CENPB: variants seen among roughly 807,000 people sequenced by gnomAD.
CENPB encodes major centromere autoantigen B.
A neutral mutation model predicts 41.9 loss-of-function variants in CENPB; 19 were observed. The observed-to-expected ratio is 0.45, with a 90% CI of 0.32 to 0.67. The LOEUF (loss-of-function observed/expected upper bound fraction) is 0.67. Ranked by LOEUF, CENPB falls within the 30% of genes least tolerant of loss-of-function variation. The pLI is 0.04. For missense variants in CENPB, 614 were observed against 816.2 expected, an observed-to-expected ratio of 0.75 and a Z score of 3.02; for synonymous variants, 399 against 354.4, an observed-to-expected ratio of 1.13 and a Z score of -1.41.
In CENPB at chr20:3,785,874, G is replaced by A. The variant is rs2088818684; in HGVS notation, c.610C>T (p.Leu204=). The change falls in exon 1 of 1, where the codon CTG becomes TTG. Residue 204 remains leucine, a synonymous_variant. Coordinates refer to ENST00000379751, the MANE Select transcript of CENPB (RefSeq NM_001810.6). ...ATETSLWYDF[L]PDQAAGLCGG... Reference sequence around the variant, plus strand: ...CACAGCCCCGCGGCCTGGTCGGGCAGGAAGTCGTACCATAGACTGGTCTCG... The same window carrying A: ...CACAGCCCCGCGGCCTGGTCGGGCAAGAAGTCGTACCATAGACTGGTCTCG... The A allele has an allele frequency of 1.2e-6, 2 of 1,608,652 alleles. No individual in the cohort carries two copies. The highest frequency in any genetic ancestry group is 2.7e-5 in the African/African-American group (2 of 74,778).
At position 3,785,248 on chromosome 20, in the gene CENPB, C is replaced by T. The variant is rs2088810680; in HGVS notation, c.1236G>A (p.Glu412=). 6 of 1,524,450 alleles carry T rather than the reference C, an allele frequency of 3.9e-6. No individual in the cohort carries two copies. The highest frequency in any genetic ancestry group is 1.4e-5 in the African/African-American group (1 of 69,610). The allele number at this position is 1,524,450 out of a possible 1,614,324, so 94.4% of individuals were successfully genotyped here. Residue 412 remains glutamate (E), a synonymous_variant, in exon 1 of 1, where the codon GAG becomes GAA. Transcript: ENST00000379751. ...CACCCTCTTCCTCCTCCTCTTCTTCCTCCTCCTCCTCCTCTTCCTCTCCCT... is the reference window on the plus strand; with the variant it reads ...CACCCTCTTCCTCCTCCTCTTCTTCTTCCTCCTCCTCCTCTTCCTCTCCCT... ...KSEGEEEEEE[E]EEEEEEEGEG... is the part of the protein sequence containing the mutation.
Position 3,784,738 on chromosome 20 carries a change from G to C in CENPB, c.1746C>G (p.Thr582=). The C allele has an allele frequency of 1.2e-6, 2 of 1,614,074 alleles. No individual in the cohort carries two copies. Among genetic ancestry groups the C allele is most frequent in the South Asian group, 1.1e-5 (1 of 91,076 alleles). ...LHLEHDLVHV[T]RKNHARQAGV... ...CCGCCTGCCTGGCGTGGTTCTTCCT[G>C]GTCACATGAACCAGATCGTGTTCCA... is the stretch of plus-strand genomic sequence containing the variant. The change falls in exon 1 of 1, where the codon ACC becomes ACG. Residue 582 remains threonine, a synonymous_variant. Transcript: ENST00000379751. The surrounding 1 kb of genome is among the most constrained non-coding windows in gnomAD (Gnocchi z 5.2).
rs905224989 is a variant in CENPB at position 3,786,411 on chromosome 20, C to T, written c.73G>A (p.Asp25Asn). The change falls in exon 1 of 1, where the codon GAC becomes AAC. Residue 25 changes from aspartate to asparagine, a missense_variant. Around this residue, in one of 2 missense-constraint regions of CENPB, gnomAD observed 77 missense variants for 186.8 expected, o/e 0.41. Coordinates refer to ENST00000379751, the MANE Select transcript of CENPB (RefSeq NM_001810.6). ...RIIQEVEENP[D>N]LRKGEIARRF... ...CGCGCGATCTCGCCCTTGCGCAGGT[C>T]CGGATTCTCCTCCACCTCCTGGATG... The T allele has an allele frequency of 5.6e-6, 9 of 1,599,676 alleles. No individual in the cohort carries two copies. Among genetic ancestry groups the T allele is most frequent in the Admixed American group, 1.7e-5 (1 of 59,934 alleles).
rs1380923882 is a variant in CENPB, at chr20:3,785,829, G to T, written c.655C>A (p.Arg219Ser). 1 of 1,608,984 alleles carries T rather than the reference G, an allele frequency of 6.2e-7. No homozygotes were observed. Among genetic ancestry groups the T allele is most frequent in the Admixed American group, 1.7e-5 (1 of 59,636 alleles). ...ACGCTCAGGCGCTGGGTGGCTTGACGCGGCCGTCCGTCGCCTCCGCACAGC... is the reference window on the plus strand; with the variant it reads ...ACGCTCAGGCGCTGGGTGGCTTGACTCGGCCGTCCGTCGCCTCCGCACAGC... ...AGLCGGDGRP[R>S]QATQRLSVLL... The change falls in exon 1 of 1, where the codon CGT becomes AGT. Residue 219 changes from arginine to serine, a missense_variant. Physicochemically the swap from Arg to Ser is moderately radical, Grantham distance 110. Coordinates refer to ENST00000379751, the MANE Select transcript of CENPB (RefSeq NM_001810.6).
Position 3,785,120 on chromosome 20 carries a change from T to C in CENPB, c.1364A>G (p.Asp455Gly). The C allele has an allele frequency of 3.1e-6, 5 of 1,604,858 alleles. No individual in the cohort carries two copies. The highest frequency in any genetic ancestry group is 4.3e-6 in the Non-Finnish European group (5 of 1,174,930). Residue 455 changes from aspartate to glycine, a missense_variant, in exon 1 of 1, where the codon GAT (aspartate) becomes GGT (glycine). This residue lies in a region of CENPB where 537 missense variants were observed against 629.4 expected (regional missense o/e 0.85). Coordinates refer to ENST00000379751, the MANE Select transcript of CENPB (RefSeq NM_001810.6). ...EEEVEEEGDV[D>G]SDEEEEEDEE... ...ATCTTCCTCCTCTTCTTCATCACTATCAACATCACCCTCCTCCTCCACCTC... is the reference window on the plus strand; with the variant it reads ...ATCTTCCTCCTCTTCTTCATCACTACCAACATCACCCTCCTCCTCCACCTC...
chr20:3,785,963 G>A lies in CENPB; in HGVS notation c.521C>T (p.Ala174Val). Reference sequence around the variant, plus strand: ...CACCGACGGCGGCTGCTCCTCCCGAGCGCGCCAACCAGTAGTGCTCCCGCC... The same window carrying A: ...CACCGACGGCGGCTGCTCCTCCCGAACGCGCCAACCAGTAGTGCTCCCGCC... ...GSGGSTTGWR[A>V]REEQPPSVAE... Residue 174 changes from alanine (A) to valine (V), a missense_variant, in exon 1 of 1, where the codon GCT becomes GTT. Around this residue, in one of 2 missense-constraint regions of CENPB, gnomAD observed 537 missense variants for 629.4 expected, o/e 0.85. Transcript: ENST00000379751. The A allele has an allele frequency of 6.4e-7, 1 of 1,569,764 alleles. No individual in the cohort carries two copies. Among genetic ancestry groups the A allele is most frequent in the Non-Finnish European group, 8.6e-7 (1 of 1,164,580 alleles).
chr20:3,785,955 C>G lies in CENPB; in HGVS notation c.529G>C (p.Glu177Gln), dbSNP rs1192254824. The part of the protein sequence containing the change: ...GSTTGWRARE[E>Q]QPPSVAEGYA... ...CCCTCGGCCACCGACGGCGGCTGCT[C>G]CTCCCGAGCGCGCCAACCAGTAGTG... is the stretch of plus-strand genomic sequence containing the variant. The change falls in exon 1 of 1, where the codon GAG becomes CAG. Residue 177 changes from glutamate (E) to glutamine (Q), a missense_variant. Physicochemically the swap from Glu to Gln is conservative, Grantham distance 29. Coordinates refer to ENST00000379751, the MANE Select transcript of CENPB (RefSeq NM_001810.6). 4.4e-6 allele frequency: 7 copies of G among 1,584,108 alleles called. No homozygotes were observed. The highest frequency in any genetic ancestry group is 6.0e-6 in the Non-Finnish European group (7 of 1,170,994).
Position 3,786,211 on chromosome 20 carries a change from G to A in CENPB, c.273C>T (p.Ala91=), listed in dbSNP as rs1240804125. ...LIAWFQQIRA[A]GLPVKGIILK... is the part of the protein sequence containing the mutation. ...GGATGATGCCCTTGACCGGCAGGCC[G>A]GCGGCGCGGATCTGCTGGAACCAGG... Residue 91 remains alanine (A), a synonymous_variant, in exon 1 of 1, where the codon GCC becomes GCT. Coordinates refer to ENST00000379751, the MANE Select transcript of CENPB (RefSeq NM_001810.6). 2 of 1,602,118 alleles carry A rather than the reference G, an allele frequency of 1.2e-6. No homozygotes were observed. Among genetic ancestry groups the A allele is most frequent in the South Asian group, 1.1e-5 (1 of 91,064 alleles).
rs1398058888 is a variant in CENPB at position 3,784,864 on chromosome 20, A to T, written c.1620T>A (p.Pro540=). The T allele has an allele frequency of 6.2e-7, 1 of 1,614,046 alleles. No individual in the cohort carries two copies. Among genetic ancestry groups the T allele is most frequent in the East Asian group, 2.2e-5 (1 of 44,884 alleles). Residue 540 remains proline (P), a synonymous_variant, in exon 1 of 1, where the codon CCT becomes CCA. Transcript: ENST00000379751. This position sits in a 1 kb window ranked among gnomAD's most constrained non-coding sequence, Gnocchi z 5.2. ...CCATGGCCTCCCCAAAGCTGGGTACAGGCACCTCATCACCATCCTCCTCAT... is the reference window on the plus strand; with the variant it reads ...CCATGGCCTCCCCAAAGCTGGGTACTGGCACCTCATCACCATCCTCCTCAT... The part of the protein sequence containing the change: ...DDDEEDGDEV[P]VPSFGEAMAY...
chr20:3,784,932 C>T lies in CENPB; in HGVS notation c.1552G>A (p.Asp518Asn). The T allele has an allele frequency of 6.2e-7, 1 of 1,614,112 alleles. No individual in the cohort carries two copies. Among genetic ancestry groups the T allele is most frequent in the Non-Finnish European group, 8.5e-7 (1 of 1,180,002 alleles). ...TCTTCATCATCCTCTTCCTCATCGT[C>T]CTCTTCCTCACTGTCTGAATCAGAG... is the stretch of plus-strand genomic sequence containing the variant. ...EDSDSDSEEE[D>N]DEEEDDEDED... The change falls in exon 1 of 1, where the codon GAC becomes AAC. Residue 518 changes from aspartate to asparagine, a missense_variant. By Grantham distance (23) the Asp-to-Asn change is conservative (BLOSUM62 1). Coordinates refer to ENST00000379751, the MANE Select transcript of CENPB (RefSeq NM_001810.6). This position sits in a 1 kb window ranked among gnomAD's most constrained non-coding sequence, Gnocchi z 5.2.
At position 3,785,944 on chromosome 20, in the gene CENPB, C is replaced by G; in HGVS notation, c.540G>C (p.Pro180=). The change falls in exon 1 of 1, where the codon CCG becomes CCC. Residue 180 remains proline (P), a synonymous_variant. Transcript: ENST00000379751. The part of the protein sequence containing the change: ...TGWRAREEQP[P]SVAEGYASQD... Reference sequence around the variant, plus strand: ...GCGAGGCGTAGCCCTCGGCCACCGACGGCGGCTGCTCCTCCCGAGCGCGCC... The same window carrying G: ...GCGAGGCGTAGCCCTCGGCCACCGAGGGCGGCTGCTCCTCCCGAGCGCGCC... The G allele has an allele frequency of 2.5e-6, 4 of 1,594,714 alleles. No homozygotes were observed. Among genetic ancestry groups the G allele is most frequent in the Non-Finnish European group, 3.4e-6 (4 of 1,175,086 alleles).
rs2088818041 is a variant in CENPB, at chr20:3,785,835, G to T, written c.649C>A (p.Arg217=). ...AGGCGCTGGGTGGCTTGACGCGGCC[G>T]TCCGTCGCCTCCGCACAGCCCCGCG... ...QAAGLCGGDG[R]PRQATQRLSV... is the part of the protein sequence containing the mutation. The change falls in exon 1 of 1, where the codon CGG becomes AGG. Residue 217 remains arginine, a synonymous_variant. Coordinates refer to ENST00000379751, the MANE Select transcript of CENPB (RefSeq NM_001810.6). 6.2e-7 allele frequency: 1 copy of T among 1,608,746 alleles called. No individual in the cohort carries two copies. The highest frequency in any genetic ancestry group is 8.5e-7 in the Non-Finnish European group (1 of 1,178,154).
At position 3,785,579 on chromosome 20, in the gene CENPB, T is replaced by C; in HGVS notation, c.905A>G (p.Gln302Arg). ...CCGCAGGCCCGAGGTGTCCAAGGAC[T>C]GGGCAGCCAAGCGGCCGGCCAACAG... is the stretch of plus-strand genomic sequence containing the variant. ...VLLLAGRLAA[Q>R]SLDTSGLRHV... The change falls in exon 1 of 1, where the codon CAG becomes CGG. Residue 302 changes from glutamine (Q) to arginine (R), a missense_variant. Physicochemically the swap from Gln to Arg is conservative, Grantham distance 43. Around this residue, in one of 2 missense-constraint regions of CENPB, gnomAD observed 537 missense variants for 629.4 expected, o/e 0.85. Coordinates refer to ENST00000379751, the MANE Select transcript of CENPB (RefSeq NM_001810.6). The C allele has an allele frequency of 6.2e-7, 1 of 1,601,486 alleles. No homozygotes were observed. The highest frequency in any genetic ancestry group is 8.5e-7 in the Non-Finnish European group (1 of 1,174,534).
rs990232643 is a variant in CENPB, at chr20:3,783,865, G to T, written c.*819C>A. The stretch of plus-strand genomic sequence containing the variant: ...AGGATGCACCCTTGGCTGTTAAAAC[G>T]TTCACCCCCACAAAAGGGGAGTGGA... On this transcript the variant is annotated 3_prime_UTR_variant, in exon 1 of 1. Transcript: ENST00000379751. The surrounding 1 kb of genome is among the most constrained non-coding windows in gnomAD (Gnocchi z 4.2). 3 of 152,252 alleles carry T rather than the reference G, an allele frequency of 2.0e-5. No homozygotes were observed. The highest frequency in any genetic ancestry group is 7.2e-5 in the African/African-American group (3 of 41,458). The allele number at this position is 152,252 out of a possible 1,614,324, so 9.4% of individuals were successfully genotyped here. A position where few individuals can be genotyped will look rare whatever the true frequency, so the allele number is the denominator to read the frequency against.
rs778974557 is a variant in CENPB at position 3,786,484 on chromosome 20, C to T, written c.-1G>A. 3.9e-6 allele frequency: 5 copies of T among 1,284,180 alleles called. No homozygotes were observed. Among genetic ancestry groups the T allele is most frequent in the Non-Finnish European group, 5.1e-6 (5 of 978,998 alleles). 79.5% of individuals were successfully genotyped at this position (1,284,180 alleles called of 1,614,324 possible). A position where few individuals can be genotyped will look rare whatever the true frequency, so the allele number is the denominator to read the frequency against. The stretch of plus-strand genomic sequence containing the variant: ...TCAGCTGTCGCCTCTTGGGGCCCAT[C>T]CCGGCGCGCCCCCCGCCCCGGGGCC... On this transcript the variant is annotated 5_prime_UTR_variant, in exon 1 of 1. Transcript: ENST00000379751.
rs766900282 is a variant in CENPB, at chr20:3,785,219, CCTT to C, written c.1262_1264del (p.Glu421del). The C allele has an allele frequency of 1.3e-5, 17 of 1,318,280 alleles. No individual in the cohort carries two copies. In the East Asian group the frequency reaches 4.8e-4, roughly 37 times the overall value. The allele number at this position is 1,318,280 out of a possible 1,614,324, so 81.7% of individuals were successfully genotyped here. On this transcript the variant is annotated inframe_deletion, in exon 1 of 1. Coordinates refer to ENST00000379751, the MANE Select transcript of CENPB (RefSeq NM_001810.6). Reference sequence around the variant, plus strand: ...CTCCCCTTCCTCCTCCTCTTCCTCTCCTTCACCCTCTTCCTCCTCCTCTTCTTC... The same window carrying C: ...CTCCCCTTCCTCCTCCTCTTCCTCTCCACCCTCTTCCTCCTCCTCTTCTTC...
Position 3,784,787 on chromosome 20 carries a change from C to T in CENPB, c.1697G>A (p.Arg566His), listed in dbSNP as rs753648407. The change falls in exon 1 of 1, where the codon CGC becomes CAC. Residue 566 changes from arginine (R) to histidine (H), a missense_variant. Arg to His is a conservative substitution (Grantham distance 29, BLOSUM62 0). Coordinates refer to ENST00000379751, the MANE Select transcript of CENPB (RefSeq NM_001810.6). The surrounding 1 kb of genome is among the most constrained non-coding windows in gnomAD (Gnocchi z 5.2). Reference sequence around the variant, plus strand: ...CAAGTGGAGGATGTGGCTCTGCACGCGGTCATCAATGGGGAAGGAGGTCAG... The same window carrying T: ...CAAGTGGAGGATGTGGCTCTGCACGTGGTCATCAATGGGGAAGGAGGTCAG... ...RYLTSFPIDD[R>H]VQSHILHLEH... is the part of the protein sequence containing the mutation. The T allele has an allele frequency of 1.3e-5, 21 of 1,613,960 alleles. No individual in the cohort carries two copies. In the Admixed American group the frequency reaches 1.5e-4, roughly 12 times the overall value.
Position 3,784,885 on chromosome 20 carries a change from C to G in CENPB, c.1599G>C (p.Glu533Asp). Residue 533 changes from glutamate (E) to aspartate (D), a missense_variant, in exon 1 of 1, where the codon GAG (glutamate) becomes GAC (aspartate). This residue lies in a region of CENPB where 537 missense variants were observed against 629.4 expected (regional missense o/e 0.85). Coordinates refer to ENST00000379751, the MANE Select transcript of CENPB (RefSeq NM_001810.6). This position sits in a 1 kb window ranked among gnomAD's most constrained non-coding sequence, Gnocchi z 5.2. ...GTACAGGCACCTCATCACCATCCTC[C>G]TCATCATCATCGTCGTCTTCATCTT... ...DDEDEDDDDD[E>D]EDGDEVPVPS... 6.2e-7 allele frequency: 1 copy of G among 1,613,868 alleles called. No homozygotes were observed.
chr20:3,784,426 G>GC lies in CENPB; in HGVS notation c.*257dup. 4.1e-6 allele frequency: 2 copies of GC among 485,762 alleles called. No homozygotes were observed. The highest frequency in any genetic ancestry group is 4.3e-5 in the South Asian group (2 of 46,800). 30.1% of individuals were successfully genotyped at this position (485,762 alleles called of 1,614,324 possible). A position where few individuals can be genotyped will look rare whatever the true frequency, so the allele number is the denominator to read the frequency against. Reference sequence around the variant, plus strand: ...GGTAGCACCGGACAGCTCCCCACCCGCCCCACCTGGTCCCCTGAGCCCAGG... The same window carrying GC: ...GGTAGCACCGGACAGCTCCCCACCCGCCCCCACCTGGTCCCCTGAGCCCAGG... On this transcript the variant is annotated 3_prime_UTR_variant, in exon 1 of 1. Transcript: ENST00000379751. This position sits in a 1 kb window ranked among gnomAD's most constrained non-coding sequence, Gnocchi z 5.2.
Sources: gnomAD v4.1 joint callset for allele counts on GRCh38, gnomAD v4.1.1 for gene constraint, gnomAD v4.1.1 regional missense constraint, Gnocchi (gnomAD v3.1) non-coding constraint, MANE v1.5 for transcripts, NCBI Gene and HGNC (gene_info 2026-07-23, HGNC 2026-07-21) for gene names.